Variants in BNC2 observed in about 807,000 individuals in gnomAD.
The protein encoded by BNC2 is zinc finger protein basonuclin-2.
Under a neutral mutation model 76.3 loss-of-function variants are expected in BNC2, and 20 were observed. The ratio of observed to expected loss-of-function variants is 0.26; its 90% CI spans 0.18 to 0.38. The LOEUF (loss-of-function observed/expected upper bound fraction) is 0.38, where lower values mean the gene tolerates loss of function less well. Among genes scored for constraint, BNC2 ranks in the 10% least tolerant of loss-of-function variants. BNC2 has a pLI of 1.00. For missense variants in BNC2, 1,382 were observed against 1,399.8 expected, an observed-to-expected ratio of 0.99 and a Z score of 0.20; for synonymous variants, 582 against 514.8, an observed-to-expected ratio of 1.13 and a Z score of -1.77.
chr9:16,587,664 C>G (rs1162772439), intron 3 of BNC2, among the ~76,000 whole-genome samples: 1 of 152,140 alleles, frequency 6.6e-6, no homozygotes, highest in Non-Finnish European at 1.5e-5. Flanking sequence ...CTGTCAGATT[C>G]TGCCTACTAG....
At chr9:16,507,532 G>A (rs182149096) in intron 5 of BNC2, among the ~76,000 whole-genome samples, 3 of 152,196 alleles carry the variant, frequency 2.0e-5, no homozygotes, top group African/African-American at 7.2e-5. Context: ...GGGTTCAAGC[G>A]ATTCTCCTGC....
chr9:16,689,137 C>T (rs868196900), intron 3 of BNC2, among the ~76,000 whole-genome samples: 41 of 131,536 alleles, frequency 3.1e-4, no homozygotes, highest in African/African-American at 1.2e-3. Context: ...CACACACATA[C>T]ACACACTCTT....
intron 3 of BNC2, among the ~76,000 whole-genome samples, chr9:16,651,567 T>A (rs1821794888): frequency 6.6e-6 from 1 of 152,182 alleles, no homozygotes; most frequent in Non-Finnish European, 1.5e-5. Flanking sequence ...TGGGAGCTCA[T>A]TAGGCTGTTC....
chr9:16,539,701 A>C (rs1376810006), intron 5 of BNC2, among the ~76,000 whole-genome samples: 6 of 119,386 alleles, frequency 5.0e-5, no homozygotes, highest in Non-Finnish European at 9.8e-5. Context: ...GGAGAAAGGA[A>C]GGGAGGAAGG....
chr9:16,566,103 T>C (rs1387073055), intron 4 of BNC2, among the ~76,000 whole-genome samples: 1 of 152,322 alleles, frequency 6.6e-6, no homozygotes, highest in African/African-American at 2.4e-5. Context: ...ATTTATATTC[T>C]ATTTTCTTTT....
rs148863405 is a variant in BNC2 at position 16,581,529 on chromosome 9, G to C, written c.433+1454C>G. On this transcript the variant is annotated intron_variant, in intron 4 of 6. Coordinates refer to ENST00000380672, the MANE Select transcript of BNC2 (RefSeq NM_017637.6). ...CCAGGGCATGCTCCCACAGAGGAGA[G>C]ACCATGTAAAGGTGACCATCTACAA... Among the ~76,000 whole-genome samples, 655 of 152,276 alleles carry C rather than the reference G, an allele frequency of 4.3e-3. 9 individuals carry two copies. Among genetic ancestry groups the C allele is most frequent in the Non-Finnish European group, 3.5e-3 (238 of 68,008 alleles).
chr9:16,762,713 ACCT>A (rs1438615414), intron 1 of BNC2, among the ~76,000 whole-genome samples: 3 of 152,212 alleles, frequency 2.0e-5, no homozygotes, highest in African/African-American at 7.2e-5. Flanking sequence ...GAGAAAGATA[ACCT>A]GACCGCTTAA....
intron 1 of BNC2, among the ~76,000 whole-genome samples, chr9:16,763,667 G>A (rs1825615072): frequency 6.6e-6 from 1 of 152,170 alleles, no homozygotes; most frequent in Non-Finnish European, 1.5e-5. Flanking sequence ...GGTCAAGAGG[G>A]AGAACCCATC....
At chr9:16,799,480 A>G (rs1328298922) in intron 1 of BNC2, among the ~76,000 whole-genome samples, 3 of 152,074 alleles carry the variant, frequency 2.0e-5, no homozygotes, top group Admixed American at 1.3e-4. Context: ...ACACCTGGCT[A>G]ATTTTTGTAT....
intron 1 of BNC2, among the ~76,000 whole-genome samples, chr9:16,817,834 G>A (rs939788539): frequency 1.3e-5 from 2 of 152,104 alleles, no homozygotes; most frequent in African/African-American, 4.8e-5. Flanking sequence ...TTTCTTTAAT[G>A]TCTGCCGTCT....
intron 3 of BNC2, among the ~76,000 whole-genome samples, chr9:16,649,695 G>A (rs1286157264): frequency 6.6e-6 from 1 of 152,066 alleles, no homozygotes; most frequent in East Asian, 1.9e-4. Flanking sequence ...TAAGAGAAAG[G>A]CATCTATTTC....
chr9:16,848,471 CA>C (rs1386323726), intron 1 of BNC2, among the ~76,000 whole-genome samples: 8 of 152,192 alleles, frequency 5.3e-5, no homozygotes, highest in Non-Finnish European at 1.2e-4. Context: ...CAGTACATGA[CA>C]ATGAATTATG....
chr9:16,686,509 A>T (rs1230705696), intron 3 of BNC2, among the ~76,000 whole-genome samples: 1 of 152,116 alleles, frequency 6.6e-6, no homozygotes, highest in Non-Finnish European at 1.5e-5. Context: ...CTAATCATAT[A>T]TCTGTCTATA....
At chr9:16,801,546 C>A (rs1001691136) in intron 1 of BNC2, among the ~76,000 whole-genome samples, 1 of 151,888 alleles carries the variant, frequency 6.6e-6, no homozygotes, top group Non-Finnish European at 1.5e-5. Context: ...CCATTCCTCA[C>A]CTTTAAATGC....
At chr9:16,569,829 G>A (rs1248497147) in intron 4 of BNC2, among the ~76,000 whole-genome samples, 1 of 152,118 alleles carries the variant, frequency 6.6e-6, no homozygotes, top group Non-Finnish European at 1.5e-5. Flanking sequence ...ACCAGGTTTG[G>A]GAATTATTAT....
intron 1 of BNC2, among the ~76,000 whole-genome samples, chr9:16,765,620 A>G (rs1204730355): frequency 6.6e-6 from 1 of 152,142 alleles, no homozygotes; most frequent in Non-Finnish European, 1.5e-5. Flanking sequence ...TAAATTTTAA[A>G]ACCAACCCCA....
At chr9:16,676,614 C>A (rs572534451) in intron 3 of BNC2, among the ~76,000 whole-genome samples, 1 of 152,314 alleles carries the variant, frequency 6.6e-6, no homozygotes, top group South Asian at 2.1e-4. Flanking sequence ...GTTCTCAGGC[C>A]ATTCAACCAA....
At chr9:16,842,695 T>C (rs1254664952) in intron 1 of BNC2, among the ~76,000 whole-genome samples, 3 of 152,040 alleles carry the variant, frequency 2.0e-5, no homozygotes, top group African/African-American at 4.8e-5. Context: ...AAAGGATATA[T>C]AGGAATTCAT....
chr9:16,539,768 A>AAAG (rs1563831014), intron 5 of BNC2, among the ~76,000 whole-genome samples: 16 of 58,966 alleles, frequency 2.7e-4, no homozygotes, highest in East Asian at 1.5e-3. Context: ...GGAAAGGAAA[A>AAAG]GAAAGGAAAG....
Sources: gnomAD v4.1 joint callset for allele counts (sites outside exome capture counted in the v4.1 genomes callset) on GRCh38, gnomAD v4.1.1 for gene constraint, MANE v1.5 for transcripts, NCBI Gene and HGNC (gene_info 2026-07-23, HGNC 2026-07-21) for gene names.